KIF1B: variants seen among roughly 807,000 people sequenced by gnomAD.
KIF1B encodes kinesin-like protein KIF1B.
KIF1B carries 76 observed loss-of-function variants against 241.9 expected under a neutral mutation model. The observed-to-expected ratio is 0.31, with a 90% CI of 0.26 to 0.38. The LOEUF (loss-of-function observed/expected upper bound fraction) is 0.38. Among genes scored for constraint, KIF1B ranks in the 10% least tolerant of loss-of-function variants. KIF1B has a pLI of 1.00. For missense variants in KIF1B, 1,622 were observed against 2,271.4 expected (o/e 0.71, Z 5.81); for synonymous variants, 750 against 796.7 (o/e 0.94, Z 0.99).
At chr1:10,257,378 G>A (rs1438575997) in intron 3 of KIF1B, among the ~76,000 whole-genome samples, 1 of 151,312 alleles carries the variant, frequency 6.6e-6, no homozygotes, top group South Asian at 2.1e-4. Context: ...GGAGGCTGAG[G>A]CAGGTGAACT....
In KIF1B at chr1:10,326,032, T is replaced by C; in HGVS notation, c.2676-79T>C. 1 of 1,568,524 alleles carries C rather than the reference T, an allele frequency of 6.4e-7. No individual in the cohort carries two copies. Among genetic ancestry groups the C allele is most frequent in the Admixed American group, 1.7e-5 (1 of 59,964 alleles). On this transcript the variant is annotated intron_variant, in intron 26 of 48. Transcript: ENST00000676179. This position sits in a 1 kb window ranked among gnomAD's most constrained non-coding sequence, Gnocchi z 5.2. Reference sequence around the variant, plus strand: ...TGATTCCCCAGTGGATTCTGTCCTGTTAGCACCTATTGCTTCCTGTTTAAC... The same window carrying C: ...TGATTCCCCAGTGGATTCTGTCCTGCTAGCACCTATTGCTTCCTGTTTAAC...
intron 22 of KIF1B, chr1:10,306,059 A>G (rs188550829): frequency 7.6e-6 from 8 of 1,046,228 alleles, no homozygotes; most frequent in East Asian, 5.6e-5. Flanking sequence ...TGTGGGCACT[A>G]TGCTTTATTA....
chr1:10,307,865 G>GT, intron 22 of KIF1B: 1 of 1,046,472 alleles, frequency 9.6e-7, no homozygotes, highest in Non-Finnish European at 1.2e-6. Flanking sequence ...ATTCTCTTTA[G>GT]TAAGTGTAAA....
chr1:10,356,519 G>A (rs980642069), intron 38 of KIF1B, among the ~76,000 whole-genome samples: 13 of 151,958 alleles, frequency 8.6e-5, no homozygotes, highest in African/African-American at 2.9e-4. Flanking sequence ...ATAAGAAGGT[G>A]GCTTCTGTTT....
At chr1:10,214,375 C>T (rs1389130102) in intron 1 of KIF1B, among the ~76,000 whole-genome samples, 48 of 151,854 alleles carry the variant, frequency 3.2e-4, no homozygotes, top group African/African-American at 1.1e-3. Context: ...CTGCAACCTC[C>T]GCCTCCCGGG....
At chr1:10,342,676 T>C (rs1652444553) in intron 33 of KIF1B, among the ~76,000 whole-genome samples, 1 of 152,226 alleles carries the variant, frequency 6.6e-6, no homozygotes, top group Admixed American at 6.5e-5. Context: ...TATCTGGTAT[T>C]ATGCCAGAGT....
chr1:10,228,871 A>G (rs1235340745), intron 1 of KIF1B, among the ~76,000 whole-genome samples: 3 of 152,204 alleles, frequency 2.0e-5, no homozygotes, highest in Non-Finnish European at 4.4e-5. Flanking sequence ...TAATGTTGGT[A>G]ATAATACAAG....
rs1638924047 is a variant in KIF1B at position 10,377,673 on chromosome 1, T to A, written c.*1086T>A. ...TGCCGGGCAGGCCGGGCACAGTGGC[T>A]CACGCCTGTAATCCAAGCACTTGGG... On this transcript the variant is annotated 3_prime_UTR_variant, in exon 49 of 49. Transcript: ENST00000676179. 5.2e-6 allele frequency: 1 copy of A among 193,280 alleles called. No homozygotes were observed. Among genetic ancestry groups the A allele is most frequent in the Non-Finnish European group, 1.1e-5 (1 of 92,834 alleles). The allele number at this position is 193,280 out of a possible 1,614,324, so 12.0% of individuals were successfully genotyped here.
chr1:10,285,919 T>G (rs575519732), intron 15 of KIF1B, among the ~76,000 whole-genome samples: 8 of 152,344 alleles, frequency 5.3e-5, no homozygotes, highest in African/African-American at 7.2e-5. Flanking sequence ...TTCCCTTTGT[T>G]TCTTTTTGAC....
At chr1:10,213,650 G>A (rs943411048) in intron 1 of KIF1B, among the ~76,000 whole-genome samples, 1 of 152,132 alleles carries the variant, frequency 6.6e-6, no homozygotes, top group Admixed American at 6.5e-5. Flanking sequence ...ATTTCATAAT[G>A]CTCTGAAGTT....
intron 1 of KIF1B, among the ~76,000 whole-genome samples, chr1:10,220,371 A>AATAGATAGATAGATAG (rs1553160021): frequency 2.1e-4 from 30 of 143,676 alleles, no homozygotes; most frequent in African/African-American, 7.8e-4. Context: ...ACCCTGTTTC[A>AATAGATAGATAGATAG]ATAGATAGAT....
At chr1:10,297,700 C>CT (rs547372198) in intron 22 of KIF1B, among the ~76,000 whole-genome samples, 5,489 of 146,790 alleles carry the variant, frequency 0.037, 132 homozygotes, top group African/African-American at 0.066. Context: ...GCTGGGCAGA[C>CT]TTTTTTTTTT....
intron 1 of KIF1B, among the ~76,000 whole-genome samples, chr1:10,219,178 A>T (rs1248197958): frequency 1.3e-5 from 2 of 152,142 alleles, no homozygotes; most frequent in Non-Finnish European, 2.9e-5. Flanking sequence ...AAAGATACGT[A>T]CGGCCGGGCG....
At chr1:10,213,858 C>T (rs35830240) in intron 1 of KIF1B, among the ~76,000 whole-genome samples, 37,503 of 151,690 alleles carry the variant, frequency 0.25, 4,875 homozygotes, top group Admixed American at 0.31. Context: ...TGCCTTGGGC[C>T]GGATGCAGTG....
intron 9 of KIF1B, 125 bp downstream of exon 9, chr1:10,272,431 T>C: frequency 1.4e-6 from 1 of 732,734 alleles, no homozygotes; most frequent in South Asian, 1.4e-5. Flanking sequence ...CCTTTCTCCT[T>C]TTAGAGCTTT....
intron 1 of KIF1B, among the ~76,000 whole-genome samples, chr1:10,212,027 C>T (rs946881261): frequency 1.3e-5 from 2 of 152,112 alleles, no homozygotes; most frequent in African/African-American, 2.4e-5. Flanking sequence ...AGGCTGTCAT[C>T]TTTGTGGAAT....
chr1:10,313,853 A>G (rs1414734742), intron 22 of KIF1B, among the ~76,000 whole-genome samples: 6 of 151,150 alleles, frequency 4.0e-5, no homozygotes, highest in Non-Finnish European at 2.9e-5. Context: ...CTTGGCCATT[A>G]GGATTTCTTA....
At chr1:10,278,227 T>C in intron 13 of KIF1B, 99 bp downstream of exon 13, 1 of 1,261,664 alleles carries the variant, frequency 7.9e-7, no homozygotes, top group Non-Finnish European at 1.1e-6. Context: ...TTAAGGAGCA[T>C]GATGAAGCTA....
intron 2 of KIF1B, among the ~76,000 whole-genome samples, chr1:10,244,315 C>CTTTTTTTTTTTTTT (rs571243520): frequency 3.9e-5 from 5 of 127,526 alleles, no homozygotes; most frequent in South Asian, 2.5e-4. Flanking sequence ...TTTTTCTTTT[C>CTTTTTTTTTTTTTT]TTTTTTTTTT....
Sources: allele counts gnomAD v4.1 joint callset (sites outside exome capture counted in the v4.1 genomes callset), GRCh38; gene constraint gnomAD v4.1.1; non-coding constraint Gnocchi (gnomAD v3.1); transcripts MANE v1.5; gene names NCBI Gene and HGNC (gene_info 2026-07-23, HGNC 2026-07-21).